The following TMEM244 variants were observed in gnomAD, a reference collection of about 807,000 sequenced individuals.
TMEM244 encodes putative transmembrane protein 244.
TMEM244 carries 13 observed loss-of-function variants against 15.8 expected under a neutral mutation model. The observed-to-expected ratio is 0.82, with a 90% CI of 0.53 to 1.30. The LOEUF is 1.30. Ranked by LOEUF, TMEM244 falls within the 50% of genes most tolerant of loss-of-function variation. The pLI is 0.00. For missense variants in TMEM244, 161 were observed against 144.9 expected, an observed-to-expected ratio of 1.11 and a Z score of -0.57; for synonymous variants, 45 against 48.7, an observed-to-expected ratio of 0.92 and a Z score of 0.32.
chr6:129,841,491 G>T (rs1776490642), intron 3 of TMEM244, among the ~76,000 whole-genome samples: 1 of 152,012 alleles, frequency 6.6e-6, no homozygotes, highest in Admixed American at 6.6e-5. Flanking sequence ...GATGGGTGCA[G>T]CAAACCAACA....
chr6:129,843,045 G>A lies in TMEM244; in HGVS notation c.193+485C>T, dbSNP rs563507259. 3.3e-4 allele frequency among the ~76,000 whole-genome samples: 50 copies of A among 152,072 alleles called. 1 individual carries two copies. The highest frequency in any genetic ancestry group is 6.9e-4 in the Non-Finnish European group (47 of 67,966). On this transcript the variant is annotated intron_variant, in intron 3 of 4. Transcript: ENST00000368143. ...AGCAGAAATGTACAAAGTAGAGAATGAAAGTTCTCTGTCATCCCAGATGGG... is the reference window on the plus strand; with the variant it reads ...AGCAGAAATGTACAAAGTAGAGAATAAAAGTTCTCTGTCATCCCAGATGGG...
chr6:129,848,085 C>T lies in TMEM244; in HGVS notation c.34-2233G>A, dbSNP rs1040072496. 3.9e-5 allele frequency among the ~76,000 whole-genome samples: 6 copies of T among 152,032 alleles called. No individual in the cohort carries two copies. In the East Asian group the frequency reaches 1.2e-3, roughly 29 times the overall value. On this transcript the variant is annotated intron_variant, in intron 1 of 4. Transcript: ENST00000368143. Reference sequence around the variant, plus strand: ...CACTCCGCACCTGGCCTTCACATTCCTTGTCTCTTAATCTCTCCTCCCTTA... The same window carrying T: ...CACTCCGCACCTGGCCTTCACATTCTTTGTCTCTTAATCTCTCCTCCCTTA...
chr6:129,854,502 A>C (rs888542695), intron 1 of TMEM244, among the ~76,000 whole-genome samples: 14 of 152,186 alleles, frequency 9.2e-5, no homozygotes, highest in African/African-American at 3.1e-4. Context: ...TAATTAGAAC[A>C]AGCAAGTATA....
At chr6:129,847,751 T>G (rs915620625) in intron 1 of TMEM244, among the ~76,000 whole-genome samples, 13 of 151,538 alleles carry the variant, frequency 8.6e-5, no homozygotes, top group African/African-American at 3.1e-4. Context: ...GGATCTCACA[T>G]TCCTTGTTTC....
intron 2 of TMEM244, 24 bp from the exon 3 acceptor site, chr6:129,843,627 AG>A (rs1185197707): frequency 6.4e-7 from 1 of 1,564,732 alleles, no homozygotes; most frequent in East Asian, 2.2e-5. Flanking sequence ...AAGTGAAAAC[AG>A]TTTACTCTGA....
At chr6:129,858,382 AC>A (rs1408994035) in intron 1 of TMEM244, among the ~76,000 whole-genome samples, 1 of 152,146 alleles carries the variant, frequency 6.6e-6, no homozygotes, top group Non-Finnish European at 1.5e-5. Context: ...GTCTATGGAA[AC>A]TGGAAGCCCT....
intron 1 of TMEM244, among the ~76,000 whole-genome samples, chr6:129,854,735 A>C (rs982019188): frequency 1.4e-4 from 22 of 152,224 alleles, no homozygotes; most frequent in African/African-American, 5.1e-4. Flanking sequence ...CTGGTCCCTG[A>C]CTTACCATGG....
intron 1 of TMEM244, among the ~76,000 whole-genome samples, chr6:129,859,346 G>A (rs1042449646): frequency 1.3e-5 from 2 of 152,196 alleles, no homozygotes; most frequent in Admixed American, 1.3e-4. Flanking sequence ...CTGCATTGTA[G>A]TTCTTTGGAC....
chr6:129,845,705 T>C, intron 2 of TMEM244, 62 bp downstream of exon 2: 3 of 1,197,076 alleles, frequency 2.5e-6, no homozygotes, highest in Non-Finnish European at 3.7e-6. Context: ...ATGTTAAATA[T>C]AAACATCTTT....
Position 129,845,855 on chromosome 6 carries a change from G to A in TMEM244, c.34-3C>T, listed in dbSNP as rs1396657546. Reference sequence around the variant, plus strand: ...AGAAGAAACTTCTGCAAAACAACCTGTGGAGAAAACAGGCATGAGGTCCAA... The same window carrying A: ...AGAAGAAACTTCTGCAAAACAACCTATGGAGAAAACAGGCATGAGGTCCAA... On this transcript the variant is annotated splice_region_variant and splice_polypyrimidine_tract_variant and intron_variant, in intron 1 of 4. Coordinates refer to ENST00000368143, the MANE Select transcript of TMEM244 (RefSeq NM_001010876.2). 6.2e-7 allele frequency: 1 copy of A among 1,609,516 alleles called. No individual in the cohort carries two copies. The highest frequency in any genetic ancestry group is 1.7e-5 in the Admixed American group (1 of 59,336).
intron 3 of TMEM244, among the ~76,000 whole-genome samples, chr6:129,836,587 A>G (rs1337101250): frequency 2.0e-5 from 3 of 152,232 alleles, no homozygotes; most frequent in African/African-American, 7.2e-5. Context: ...AGTTGACAGA[A>G]GTAGGCTTCA....
At chr6:129,832,883 G>T (rs72993204) in intron 4 of TMEM244, among the ~76,000 whole-genome samples, 2 of 152,052 alleles carry the variant, frequency 1.3e-5, no homozygotes, top group African/African-American at 4.8e-5. Flanking sequence ...ATAGGCGTCC[G>T]TGCATCCCCC....
Position 129,833,555 on chromosome 6 carries a change from A to T in TMEM244, c.224T>A (p.Phe75Tyr). Residue 75 changes from phenylalanine (F) to tyrosine (Y), a missense_variant, in exon 4 of 5, where the codon TTT (phenylalanine) becomes TAT (tyrosine). Phe to Tyr is a conservative substitution (Grantham distance 22, BLOSUM62 3). Coordinates refer to ENST00000368143, the MANE Select transcript of TMEM244 (RefSeq NM_001010876.2). Reference sequence around the variant, plus strand: ...TGGAACAAAAAACAATCCACAAACAAAGTAGGTGACCTCTGTTGAAACTAA... The same window carrying T: ...TGGAACAAAAAACAATCCACAAACATAGTAGGTGACCTCTGTTGAAACTAA... The part of the protein sequence containing the change: ...VLLVSTEVTY[F>Y]VCGLFFVPVV... 6.2e-7 allele frequency: 1 copy of T among 1,612,820 alleles called. No homozygotes were observed. Among genetic ancestry groups the T allele is most frequent in the Non-Finnish European group, 8.5e-7 (1 of 1,179,382 alleles).
chr6:129,843,730 T>A, intron 2 of TMEM244, 127 bp from the exon 3 acceptor site: 1 of 590,432 alleles, frequency 1.7e-6, no homozygotes, highest in Admixed American at 2.9e-5. Flanking sequence ...TGTGGCACAT[T>A]TCAAAACTGG....
At position 129,831,325 on chromosome 6, in the gene TMEM244, A is replaced by T; in HGVS notation, c.381T>A (p.Leu127=). 6.5e-7 allele frequency: 1 copy of T among 1,542,686 alleles called. No homozygotes were observed. Among genetic ancestry groups the T allele is most frequent in the Non-Finnish European group, 9.0e-7 (1 of 1,115,110 alleles). The stretch of plus-strand genomic sequence containing the variant: ...TTTCTGTGCATTAGAGAATCTAAAC[A>T]AGCAATTTTGATATACCTAAAGCAG... ...WWAALGISKL[L]V is the part of the protein sequence containing the mutation. The change falls in exon 5 of 5, where the codon CTT becomes CTA. Residue 127 remains leucine, a synonymous_variant. Transcript: ENST00000368143.
intron 1 of TMEM244, among the ~76,000 whole-genome samples, chr6:129,852,670 T>A (rs1776650452): frequency 2.0e-5 from 3 of 152,188 alleles, no homozygotes; most frequent in South Asian, 4.1e-4. Flanking sequence ...TAGCTATGCC[T>A]ACTGGCAAGG....
chr6:129,843,460 A>G (rs928662408), intron 3 of TMEM244, 70 bp downstream of exon 3: 2 of 1,103,908 alleles, frequency 1.8e-6, no homozygotes, highest in Admixed American at 2.3e-5. Flanking sequence ...AAATTTTTTT[A>G]TTAAAAAATT....
intron 1 of TMEM244, among the ~76,000 whole-genome samples, chr6:129,850,910 C>A (rs1776629717): frequency 6.6e-6 from 1 of 152,182 alleles, no homozygotes; most frequent in African/African-American, 2.4e-5. Flanking sequence ...CTCACCTCTG[C>A]CCGTCCTCCA....
At chr6:129,857,935 G>A (rs1369698952) in intron 1 of TMEM244, among the ~76,000 whole-genome samples, 1 of 151,672 alleles carries the variant, frequency 6.6e-6, no homozygotes, top group Non-Finnish European at 1.5e-5. Context: ...AGGAACGGTT[G>A]CCAATTTTTG....
Sources: allele counts gnomAD v4.1 joint callset (sites outside exome capture counted in the v4.1 genomes callset), GRCh38; gene constraint gnomAD v4.1.1; transcripts MANE v1.5; gene names NCBI Gene and HGNC (gene_info 2026-07-23, HGNC 2026-07-21).